Variants in PMEPA1 observed in about 807,000 individuals in gnomAD.
The protein encoded by PMEPA1 is protein TMEPAI.
In PMEPA1, 11 loss-of-function variants were observed where a neutral mutation model predicts 23.0. That is an observed-to-expected ratio of 0.48 (90% confidence interval 0.30 to 0.79). The LOEUF is 0.79. PMEPA1 is among the 30% of genes least tolerant of loss of function. The probability of loss-of-function intolerance (pLI) is 0.06; values close to 1 mark genes in which losing one functional copy is unlikely to be tolerated. For missense variants in PMEPA1, 377 were observed against 390.9 expected (o/e 0.96, Z 0.30); for synonymous variants, 204 against 166.4 (o/e 1.23, Z -1.74).
At chr20:57,701,682 A>C (rs975435634) in intron 1 of PMEPA1, among the ~76,000 whole-genome samples, 12 of 152,180 alleles carry the variant, frequency 7.9e-5, no homozygotes, top group African/African-American at 2.9e-4. Flanking sequence ...ACAACCCCAT[A>C]GAACAGATGT....
At chr20:57,663,954 G>A (rs1231153433) in intron 1 of PMEPA1, among the ~76,000 whole-genome samples, 1 of 152,222 alleles carries the variant, frequency 6.6e-6, no homozygotes, top group Non-Finnish European at 1.5e-5. Flanking sequence ...CCCACAAACA[G>A]GTCCAACGAA....
At chr20:57,697,013 T>A (rs1363526019) in intron 1 of PMEPA1, among the ~76,000 whole-genome samples, 1 of 152,196 alleles carries the variant, frequency 6.6e-6, no homozygotes, top group East Asian at 1.9e-4. Context: ...CACTGAAGTG[T>A]GGGAGTTCCC....
Position 57,651,993 on chromosome 20 carries a change from G to A in PMEPA1, c.*60C>T. Reference sequence around the variant, plus strand: ...CGCCTTCCTCTCACTCCTCTTCTAAGAAGCGCGGAGTGTTCTGCCTTTTCA... The same window carrying A: ...CGCCTTCCTCTCACTCCTCTTCTAAAAAGCGCGGAGTGTTCTGCCTTTTCA... On this transcript the variant is annotated 3_prime_UTR_variant, in exon 4 of 4. Transcript: ENST00000341744. The A allele has an allele frequency of 7.2e-7, 1 of 1,380,950 alleles. No individual in the cohort carries two copies. The highest frequency in any genetic ancestry group is 9.6e-7 in the Non-Finnish European group (1 of 1,041,026). 85.5% of individuals were successfully genotyped at this position (1,380,950 alleles called of 1,614,324 possible).
intron 1 of PMEPA1, among the ~76,000 whole-genome samples, chr20:57,678,178 G>A (rs913966118): frequency 5.9e-5 from 9 of 152,118 alleles, no homozygotes; most frequent in Admixed American, 2.0e-4. Context: ...ACACACACTC[G>A]AATGAGTGTG....
rs1159161481 is a variant in PMEPA1, at chr20:57,709,702, C to T, written c.-120G>A. On this transcript the variant is annotated 5_prime_UTR_variant, in exon 1 of 4. Transcript: ENST00000341744. Reference sequence around the variant, plus strand: ...AGGCGCGCGGCGGGGGAGGCGCGCCCCGGCTCGCCGGGCTCGGGTCGCCGC... The same window carrying T: ...AGGCGCGCGGCGGGGGAGGCGCGCCTCGGCTCGCCGGGCTCGGGTCGCCGC... The T allele has an allele frequency of 1.0e-6, 1 of 977,656 alleles. No homozygotes were observed. Among genetic ancestry groups the T allele is most frequent in the African/African-American group, 1.8e-5 (1 of 56,086 alleles). 60.6% of individuals were successfully genotyped at this position (977,656 alleles called of 1,614,324 possible). A position where few individuals can be genotyped will look rare whatever the true frequency, so the allele number is the denominator to read the frequency against.
intron 1 of PMEPA1, among the ~76,000 whole-genome samples, chr20:57,661,617 G>C (rs75702668): frequency 0.015 from 2,356 of 152,298 alleles, 83 homozygotes; most frequent in African/African-American, 0.055. Flanking sequence ...GGGGGATCGG[G>C]GTGGGCAGGT....
intron 1 of PMEPA1, among the ~76,000 whole-genome samples, chr20:57,661,027 A>C (rs977710070): frequency 6.6e-6 from 1 of 152,228 alleles, no homozygotes; most frequent in Non-Finnish European, 1.5e-5. Flanking sequence ...CGCCACGCTC[A>C]ACAGGACGGG....
chr20:57,673,267 C>T (rs1045258124), intron 1 of PMEPA1, among the ~76,000 whole-genome samples: 3 of 151,256 alleles, frequency 2.0e-5, no homozygotes, highest in Non-Finnish European at 3.0e-5. Flanking sequence ...CCTGCGTCTA[C>T]CCCATTTCCA....
chr20:57,690,911 C>T (rs1359554212), intron 1 of PMEPA1, among the ~76,000 whole-genome samples: 3 of 152,162 alleles, frequency 2.0e-5, no homozygotes, highest in Non-Finnish European at 2.9e-5. Context: ...AGAACTACTG[C>T]GCCTGATAAA....
rs1195250976 is a variant in PMEPA1, at chr20:57,649,837, C to T, written c.*2216G>A. ...ATACCAGTCCCAGGTGAGTGAGGCA[C>T]TGTCCGGGAACGTCCTCACCGAGCG... On this transcript the variant is annotated 3_prime_UTR_variant, in exon 4 of 4. Transcript: ENST00000341744. The T allele has an allele frequency of 6.6e-6, 1 of 152,624 alleles. No homozygotes were observed. Among genetic ancestry groups the T allele is most frequent in the Non-Finnish European group, 1.5e-5 (1 of 68,048 alleles). The allele number at this position is 152,624 out of a possible 1,614,324, so 9.5% of individuals were successfully genotyped here.
At chr20:57,659,411 G>A in intron 2 of PMEPA1, 132 bp downstream of exon 2, 1 of 969,052 alleles carries the variant, frequency 1.0e-6, no homozygotes, top group Non-Finnish European at 1.5e-6. Context: ...TGTCAGGTGG[G>A]CTCCCCAGCC....
intron 1 of PMEPA1, among the ~76,000 whole-genome samples, chr20:57,663,511 G>A (rs999929668): frequency 1.3e-5 from 2 of 152,152 alleles, no homozygotes; most frequent in African/African-American, 4.8e-5. Flanking sequence ...CCCAGACACG[G>A]GATGCTCAAT....
chr20:57,659,654 C>T lies in PMEPA1; in HGVS notation c.153G>A (p.Met51Ile). ...FVQIIIIVVV[M>I]MVMVVVITCL... Reference sequence around the variant, plus strand: ...ACGTGATCACCACCACCATCACCATCATCACCACCACGATGATGATGATCT... The same window carrying T: ...ACGTGATCACCACCACCATCACCATTATCACCACCACGATGATGATGATCT... The change falls in exon 2 of 4, where the codon ATG becomes ATA. Residue 51 changes from methionine (M) to isoleucine (I), a missense_variant. Met to Ile is a conservative substitution (Grantham distance 10). Coordinates refer to ENST00000341744, the MANE Select transcript of PMEPA1 (RefSeq NM_020182.5). 6.2e-7 allele frequency: 1 copy of T among 1,606,508 alleles called. No homozygotes were observed. Among genetic ancestry groups the T allele is most frequent in the Non-Finnish European group, 8.5e-7 (1 of 1,176,496 alleles).
chr20:57,709,622 G>C lies in PMEPA1; in HGVS notation c.-40C>G. On this transcript the variant is annotated 5_prime_UTR_variant, in exon 1 of 4. Transcript: ENST00000341744. Reference sequence around the variant, plus strand: ...CGCGGCGCGGGGCGCGGGGGGCTCGGGGGCGGCCGGGGGGGGCTCCGGCCG... The same window carrying C: ...CGCGGCGCGGGGCGCGGGGGGCTCGCGGGCGGCCGGGGGGGGCTCCGGCCG... 2 of 977,272 alleles carry C rather than the reference G, an allele frequency of 2.0e-6. No individual in the cohort carries two copies. Among genetic ancestry groups the C allele is most frequent in the East Asian group, 1.2e-4 (1 of 8,406 alleles). The allele number at this position is 977,272 out of a possible 1,614,324, so 60.5% of individuals were successfully genotyped here. A position where few individuals can be genotyped will look rare whatever the true frequency, so the allele number is the denominator to read the frequency against.
intron 1 of PMEPA1, among the ~76,000 whole-genome samples, chr20:57,665,895 C>T (rs1378048170): frequency 5.3e-5 from 8 of 152,206 alleles, no homozygotes; most frequent in Non-Finnish European, 1.2e-4. Context: ...CTCTGAGGCC[C>T]TTGCGGGGAG....
intron 1 of PMEPA1, among the ~76,000 whole-genome samples, chr20:57,664,876 C>T (rs184728570): frequency 3.3e-5 from 5 of 152,348 alleles, no homozygotes; most frequent in Non-Finnish European, 5.9e-5. Flanking sequence ...AAGAGTTGGG[C>T]CCCAGGTCAC....
chr20:57,701,904 T>C (rs1249807055), intron 1 of PMEPA1, among the ~76,000 whole-genome samples: 1 of 152,080 alleles, frequency 6.6e-6, no homozygotes, highest in African/African-American at 2.4e-5. Context: ...CGGTGCTTGG[T>C]GCCTGGAGGG....
At chr20:57,668,362 G>C (rs1325590536) in intron 1 of PMEPA1, among the ~76,000 whole-genome samples, 4 of 152,164 alleles carry the variant, frequency 2.6e-5, no homozygotes, top group African/African-American at 9.7e-5. Flanking sequence ...TAAATCTCCT[G>C]GTACCCTCAT....
At chr20:57,690,517 T>C in intron 1 of PMEPA1, 5 of 1,298,298 alleles carry the variant, frequency 3.9e-6, no homozygotes, top group East Asian at 5.6e-5. Context: ...GCTATTTTTA[T>C]TGTGAAGCAA....
Sources: gnomAD v4.1 joint callset for allele counts (sites outside exome capture counted in the v4.1 genomes callset) on GRCh38, gnomAD v4.1.1 for gene constraint, MANE v1.5 for transcripts, NCBI Gene and HGNC (gene_info 2026-07-23, HGNC 2026-07-21) for gene names.